Variants in DACH1 observed in about 807,000 individuals in gnomAD.
The protein encoded by DACH1 is dachshund homolog 1.
In DACH1, 12 loss-of-function variants were observed where a neutral mutation model predicts 54.2. That is an observed-to-expected ratio of 0.22 (90% CI 0.14 to 0.36). The LOEUF is 0.36. Among genes scored for constraint, DACH1 ranks in the 10% least tolerant of loss-of-function variants. The pLI is 1.00. For missense variants in DACH1, 805 were observed against 929.8 expected, an observed-to-expected ratio of 0.87 and a Z score of 1.75; for synonymous variants, 386 against 366.2, an observed-to-expected ratio of 1.05 and a Z score of -0.62.
intron 1 of DACH1, among the ~76,000 whole-genome samples, chr13:71,805,019 T>A (rs1258338805): frequency 6.6e-6 from 1 of 152,140 alleles, no homozygotes; most frequent in Non-Finnish European, 1.5e-5. Flanking sequence ...CTATTTAAAT[T>A]AAAATTAAGT....
intron 10 of DACH1, among the ~76,000 whole-genome samples, chr13:71,469,350 A>G (rs944689953): frequency 6.6e-6 from 1 of 152,102 alleles, no homozygotes; most frequent in Non-Finnish European, 1.5e-5. Flanking sequence ...AGCATATTTG[A>G]TTTAAGAAAA....
Position 71,866,162 on chromosome 13 carries a change from A to G in DACH1, c.608T>C (p.Val203Ala). Residue 203 changes from valine (V) to alanine (A), a missense_variant, in exon 1 of 11, where the codon GTG becomes GCG. Physicochemically the swap from Val to Ala is moderately conservative, Grantham distance 64. Around this residue, in one of 3 missense-constraint regions of DACH1, gnomAD observed 305 missense variants for 308.7 expected, o/e 0.99. Coordinates refer to ENST00000613252, the MANE Select transcript of DACH1 (RefSeq NM_080759.6). ...LRGAKVASFT[V>A]EGCELICLPQ... The stretch of plus-strand genomic sequence containing the variant: ...CAGGCAGATCAGCTCGCAGCCCTCC[A>G]CCGTGAAGGAAGCCACTTTGGCCCC... 1.9e-6 allele frequency: 3 copies of G among 1,612,836 alleles called. No homozygotes were observed. The highest frequency in any genetic ancestry group is 2.5e-6 in the Non-Finnish European group (3 of 1,179,440).
intron 3 of DACH1, chr13:71,573,505 T>C (rs765672612): frequency 4.5e-5 from 32 of 706,886 alleles, no homozygotes; most frequent in Non-Finnish European, 7.6e-5. Flanking sequence ...GGGTGGGTTA[T>C]AGAGGCCTGA....
intron 1 of DACH1, among the ~76,000 whole-genome samples, chr13:71,694,175 ATTTG>A (rs1261665394): frequency 1.3e-5 from 2 of 151,610 alleles, no homozygotes; most frequent in Admixed American, 6.6e-5. Context: ...TACATAACTA[ATTTG>A]TTTGAGAAAC....
intron 1 of DACH1, among the ~76,000 whole-genome samples, chr13:71,778,551 T>C (rs1886168864): frequency 6.6e-6 from 1 of 151,954 alleles, no homozygotes; most frequent in Non-Finnish European, 1.5e-5. Context: ...AAAAATCTAG[T>C]AAAAAAATCT....
At chr13:71,778,290 AACTC>A (rs1886152012) in intron 1 of DACH1, among the ~76,000 whole-genome samples, 1 of 152,038 alleles carries the variant, frequency 6.6e-6, no homozygotes, top group African/African-American at 2.4e-5. Context: ...TCTGACAATT[AACTC>A]ACTAATTTCT....
chr13:71,582,787 A>G (rs1418543551), intron 3 of DACH1, among the ~76,000 whole-genome samples: 1 of 152,188 alleles, frequency 6.6e-6, no homozygotes, highest in African/African-American at 2.4e-5. Flanking sequence ...AGCACTTTTC[A>G]TCAGTTTTTC....
At chr13:71,829,722 G>C (rs1888512065) in intron 1 of DACH1, among the ~76,000 whole-genome samples, 1 of 152,004 alleles carries the variant, frequency 6.6e-6, no homozygotes, top group East Asian at 1.9e-4. Context: ...GCTTCCCGGA[G>C]AGCAGTATGG....
chr13:71,466,805 C>A (rs1015661544), intron 10 of DACH1, among the ~76,000 whole-genome samples: 5 of 138,158 alleles, frequency 3.6e-5, no homozygotes, highest in African/African-American at 5.3e-5. Flanking sequence ...GTGATTGCAC[C>A]ACTGCACTCC....
intron 10 of DACH1, among the ~76,000 whole-genome samples, chr13:71,443,927 T>C (rs1874223266): frequency 6.6e-6 from 1 of 152,274 alleles, no homozygotes. Flanking sequence ...TTGTGTAACA[T>C]TTATTGTTTT....
At chr13:71,686,389 C>G (rs1881163309) in intron 1 of DACH1, among the ~76,000 whole-genome samples, 1 of 152,164 alleles carries the variant, frequency 6.6e-6, no homozygotes, top group Non-Finnish European at 1.5e-5. Flanking sequence ...CCGCCACACA[C>G]AGACAGATCG....
At chr13:71,739,203 G>A (rs1471567701) in intron 1 of DACH1, among the ~76,000 whole-genome samples, 1 of 152,000 alleles carries the variant, frequency 6.6e-6, no homozygotes, top group Non-Finnish European at 1.5e-5. Flanking sequence ...GGTGAGCCGA[G>A]ATCGCGCCAT....
intron 2 of DACH1, among the ~76,000 whole-genome samples, chr13:71,671,893 C>A (rs372958789): frequency 6.4e-4 from 97 of 152,192 alleles, no homozygotes; most frequent in African/African-American, 2.2e-3. Context: ...GACTTCTCTG[C>A]AATTTATTCT....
chr13:71,581,685 T>C (rs767770920), intron 3 of DACH1, among the ~76,000 whole-genome samples: 18 of 152,270 alleles, frequency 1.2e-4, no homozygotes, highest in South Asian at 6.2e-4. Context: ...GAGTAAAATA[T>C]GAAAGATGAA....
intron 1 of DACH1, among the ~76,000 whole-genome samples, chr13:71,719,161 T>A (rs2138798121): frequency 6.6e-6 from 1 of 152,300 alleles, no homozygotes; most frequent in East Asian, 1.9e-4. Context: ...ATAATTAAAG[T>A]TAAAAGCTTA....
At chr13:71,775,127 CTTT>C (rs767902341) in intron 1 of DACH1, among the ~76,000 whole-genome samples, 33 of 54,016 alleles carry the variant, frequency 6.1e-4, no homozygotes, top group South Asian at 3.1e-3. Context: ...TCAACACAAG[CTTT>C]TTTTTTTTTT....
chr13:71,562,851 T>A (rs1884674061), intron 4 of DACH1, among the ~76,000 whole-genome samples: 1 of 152,238 alleles, frequency 6.6e-6, no homozygotes, highest in African/African-American at 2.4e-5. Flanking sequence ...AAAGACAATC[T>A]TGGCTTGTGT....
chr13:71,556,633 T>G (rs374074634), intron 6 of DACH1, among the ~76,000 whole-genome samples: 8 of 152,102 alleles, frequency 5.3e-5, no homozygotes, highest in African/African-American at 1.7e-4. Context: ...CTGTAAACTG[T>G]TTTTTTAATT....
At chr13:71,585,424 TA>T (rs1014860413) in intron 3 of DACH1, among the ~76,000 whole-genome samples, 3 of 152,232 alleles carry the variant, frequency 2.0e-5, no homozygotes, top group African/African-American at 7.2e-5. Flanking sequence ...TCAGAGTGAT[TA>T]AATTAAGTGC....
Sources: allele counts gnomAD v4.1 joint callset (sites outside exome capture counted in the v4.1 genomes callset), GRCh38; gene constraint gnomAD v4.1.1; regional missense constraint gnomAD v4.1.1; transcripts MANE v1.5; gene names NCBI Gene and HGNC (gene_info 2026-07-23, HGNC 2026-07-21).